Variants in EIF2S2 observed in about 807,000 individuals in gnomAD.
The protein encoded by EIF2S2 is eukaryotic translation initiation factor 2 subunit 2.
A neutral mutation model predicts 44.0 loss-of-function variants in EIF2S2; 4 were observed. That is an observed-to-expected ratio of 0.09 (90% CI 0.04 to 0.21). The LOEUF (loss-of-function observed/expected upper bound fraction) is 0.21. Among genes scored for constraint, EIF2S2 ranks in the 10% least tolerant of loss-of-function variants. The pLI is 1.00. For missense variants in EIF2S2, 154 were observed against 392.0 expected (o/e 0.39, Z 5.13); for synonymous variants, 108 against 128.3 (o/e 0.84, Z 1.07).
At chr20:34,090,484 A>T (rs1258953673) in intron 8 of EIF2S2, 33 bp downstream of exon 8, 3 of 1,317,754 alleles carry the variant, frequency 2.3e-6, no homozygotes. Flanking sequence ...AGAACATTTC[A>T]GGGTGATCTA....
rs1295669042 is a variant in EIF2S2 at position 34,105,622 on chromosome 20, C to T, written c.16-77G>A. On this transcript the variant is annotated intron_variant, in intron 1 of 8. Coordinates refer to ENST00000374980, the MANE Select transcript of EIF2S2 (RefSeq NM_003908.5). The stretch of plus-strand genomic sequence containing the variant: ...GCTCACATTCCAAATATGCTTTATC[C>T]TCAAAAGGCATACTCTTAAAAGAGT... 3.0e-6 allele frequency: 4 copies of T among 1,322,448 alleles called. No homozygotes were observed. In the African/African-American group the frequency reaches 6.0e-5, roughly 20 times the overall value. 81.9% of individuals were successfully genotyped at this position (1,322,448 alleles called of 1,614,324 possible).
intron 3 of EIF2S2, among the ~76,000 whole-genome samples, chr20:34,100,570 C>CAGAAAA (rs1475408107): frequency 6.6e-6 from 1 of 151,868 alleles, no homozygotes; most frequent in African/African-American, 2.4e-5. Flanking sequence ...ATCTCATTAG[C>CAGAAAA]GTACCAAAGA....
chr20:34,090,672 T>A, intron 7 of EIF2S2, 70 bp from the exon 8 acceptor site: 1 of 875,112 alleles, frequency 1.1e-6, no homozygotes, highest in Non-Finnish European at 1.7e-6. Context: ...CCAGCACCTT[T>A]AAACTTAATG....
chr20:34,106,043 C>G (rs1257830527), intron 1 of EIF2S2, among the ~76,000 whole-genome samples: 3 of 151,932 alleles, frequency 2.0e-5, no homozygotes, highest in Non-Finnish European at 4.4e-5. Flanking sequence ...CATCTTAGCT[C>G]CCCAAGTAGC....
chr20:34,096,235 G>C (rs957708885), intron 6 of EIF2S2, among the ~76,000 whole-genome samples: 48 of 151,184 alleles, frequency 3.2e-4, no homozygotes, highest in African/African-American at 1.2e-3. Context: ...TCTCACCTCT[G>C]AATGCACTAA....
At chr20:34,091,750 A>G (rs1276410892) in intron 7 of EIF2S2, among the ~76,000 whole-genome samples, 1 of 109,414 alleles carries the variant, frequency 9.1e-6, no homozygotes, top group Admixed American at 1.2e-4. Context: ...TGGATTGTAT[A>G]TATTATTTAT....
At chr20:34,105,306 C>A in intron 2 of EIF2S2, 62 bp downstream of exon 2, 1 of 1,566,236 alleles carries the variant, frequency 6.4e-7, no homozygotes, top group South Asian at 1.2e-5. Flanking sequence ...ATCCAAAAGC[C>A]AAAACGCTCA....
intron 7 of EIF2S2, among the ~76,000 whole-genome samples, chr20:34,091,700 CAG>C (rs2034164899): frequency 8.1e-6 from 1 of 123,596 alleles, no homozygotes; most frequent in Non-Finnish European, 1.6e-5. Flanking sequence ...GCCTGGGCGA[CAG>C]AGCACAACTC....
chr20:34,095,308 CTCTTTT>C (rs1454341230), intron 6 of EIF2S2, among the ~76,000 whole-genome samples: 3 of 127,416 alleles, frequency 2.4e-5, no homozygotes, highest in Non-Finnish European at 3.2e-5. Context: ...AGTTAGCTAC[CTCTTTT>C]TTTTTTTTTT....
At chr20:34,100,671 C>T (rs2034285339) in intron 3 of EIF2S2, among the ~76,000 whole-genome samples, 1 of 152,140 alleles carries the variant, frequency 6.6e-6, no homozygotes, top group Admixed American at 6.5e-5. Flanking sequence ...ATATGACAGT[C>T]AGCCTGGCAC....
chr20:34,101,248 C>T (rs1172678239), intron 3 of EIF2S2, among the ~76,000 whole-genome samples: 1 of 152,194 alleles, frequency 6.6e-6, no homozygotes, highest in Non-Finnish European at 1.5e-5. Flanking sequence ...AGTTTGAGAC[C>T]AGCCTGGCCA....
Position 34,091,776 on chromosome 20 carries a change from T to TTTGGG in EIF2S2, c.741-1175_741-1174insCCCAA, listed in dbSNP as rs4012181. On this transcript the variant is annotated intron_variant, in intron 7 of 8. Transcript: ENST00000374980. ...TATTATTTATATATATTTATTTTTT[T>TTTGGG]GGGGGGGGGGGGTCCAAGGGTGGAG... Among the ~76,000 whole-genome samples, 650 of 95,754 alleles carry TTTGGG rather than the reference T, an allele frequency of 6.8e-3. 82 individuals carry two copies. The highest frequency in any genetic ancestry group is 0.014 in the East Asian group (40 of 2,784). 62.8% of individuals were successfully genotyped at this position (95,754 alleles called of 152,430 possible).
Position 34,098,599 on chromosome 20 carries a change from G to A in EIF2S2, c.332C>T (p.Thr111Ile). ...LKIESDVQEP[T>I]EPEDDLDIML... The stretch of plus-strand genomic sequence containing the variant: ...AATGTCAAGGTCATCCTCTGGTTCA[G>A]TTGGTTCTTGAACATCACTTTCAAT... Residue 111 changes from threonine (T) to isoleucine (I), a missense_variant, in exon 4 of 9, where the codon ACT becomes ATT. This residue lies in a region of EIF2S2 where 134 missense variants were observed against 225.0 expected (regional missense o/e 0.60). Transcript: ENST00000374980. 1 of 1,613,874 alleles carries A rather than the reference G, an allele frequency of 6.2e-7. No individual in the cohort carries two copies.
At chr20:34,108,418 G>C (rs2122439085) in intron 1 of EIF2S2, 1 of 152,274 alleles carries the variant, frequency 6.6e-6, no homozygotes, top group East Asian at 1.9e-4. Context: ...ATAAGGACCA[G>C]GGATCCCGAA....
chr20:34,098,990 G>C (rs1426316161), intron 3 of EIF2S2, among the ~76,000 whole-genome samples: 1 of 152,220 alleles, frequency 6.6e-6, no homozygotes, highest in Non-Finnish European at 1.5e-5. Flanking sequence ...ACACTTGTGG[G>C]ATCTTTCCCC....
intron 3 of EIF2S2, among the ~76,000 whole-genome samples, chr20:34,100,179 TA>T (rs1454887199): frequency 6.6e-6 from 1 of 152,166 alleles, no homozygotes; most frequent in Non-Finnish European, 1.5e-5. Context: ...CACACCTAGC[TA>T]ATTTTTGTAT....
intron 6 of EIF2S2, among the ~76,000 whole-genome samples, chr20:34,096,092 C>A (rs1266181529): frequency 6.6e-6 from 1 of 152,114 alleles, no homozygotes; most frequent in Non-Finnish European, 1.5e-5. Context: ...GCTTGGCAGG[C>A]CTATCCTAGA....
intron 3 of EIF2S2, 127 bp downstream of exon 3, chr20:34,103,335 C>T (rs554167414): frequency 2.2e-5 from 28 of 1,268,526 alleles, no homozygotes; most frequent in Non-Finnish European, 3.0e-5. Context: ...AATGACGCTA[C>T]CAGTGGCAAT....
intron 6 of EIF2S2, 130 bp from the exon 7 acceptor site, chr20:34,093,861 A>G (rs2034197168): frequency 1.3e-6 from 1 of 773,116 alleles, no homozygotes; most frequent in African/African-American, 1.8e-5. Flanking sequence ...CCATTTATTT[A>G]AACTTTGAAA....
Sources: gnomAD v4.1 joint callset for allele counts (sites outside exome capture counted in the v4.1 genomes callset) on GRCh38, gnomAD v4.1.1 for gene constraint, gnomAD v4.1.1 regional missense constraint, MANE v1.5 for transcripts, NCBI Gene and HGNC (gene_info 2026-07-23, HGNC 2026-07-21) for gene names.